RNF212: variants seen among roughly 807,000 people sequenced by gnomAD.
RNF212 encodes the protein ring finger protein 212, also known as probable E3 SUMO-protein ligase RNF212.
A neutral mutation model predicts 34.7 loss-of-function variants in RNF212; 33 were observed. The ratio of observed to expected loss-of-function variants is 0.95; its 90% CI spans 0.72 to 1.27. RNF212 has a LOEUF of 1.27. Among genes scored for constraint, RNF212 ranks in the 50% most tolerant of loss-of-function variants. RNF212 has a pLI of 0.00. For synonymous variants in RNF212, 140 were observed against 136.1 expected (o/e 1.03, Z -0.20); for missense variants, 377 against 362.2 (o/e 1.04, Z -0.33).
intron 3 of RNF212, among the ~76,000 whole-genome samples, chr4:1,091,595 A>G (rs555260045): frequency 6.6e-6 from 1 of 152,212 alleles, no homozygotes; most frequent in Non-Finnish European, 1.5e-5. Flanking sequence ...ATGATAACAC[A>G]AGCAGGAGGG....
intron 5 of RNF212, among the ~76,000 whole-genome samples, chr4:1,083,118 T>C (rs560399622): frequency 6.6e-5 from 10 of 152,154 alleles, no homozygotes; most frequent in South Asian, 4.2e-4. Context: ...GAGAGTGGGA[T>C]TGGCCTGTGC....
chr4:1,069,397 C>T (rs1210971602), downstream of RNF212, among the ~76,000 whole-genome samples: 1 of 152,024 alleles, frequency 6.6e-6, no homozygotes, highest in Admixed American at 6.6e-5. Flanking sequence ...GGGGTGAGGC[C>T]GGATGAGGCA....
chr4:1,089,089 G>C (rs1721785535), intron 4 of RNF212, among the ~76,000 whole-genome samples: 2 of 152,218 alleles, frequency 1.3e-5, no homozygotes, highest in Admixed American at 6.5e-5. Flanking sequence ...GAGGGCCACT[G>C]TCCTCCAGAC....
In RNF212 at chr4:1,094,373, G is replaced by A. The variant is rs1306697381; in HGVS notation, c.246+2392C>T. Among the ~76,000 whole-genome samples the A allele has an allele frequency of 2.0e-5, 3 of 152,322 alleles. No individual in the cohort carries two copies. The East Asian group carries it at 5.8e-4, about 29-fold the overall frequency. On this transcript the variant is annotated intron_variant, in intron 3 of 9. Transcript: ENST00000433731. Reference sequence around the variant, plus strand: ...AGTGCCACTCAGCATGTGGGGGTGGGCACAGAGGACAATGACCTGCGTCAG... The same window carrying A: ...AGTGCCACTCAGCATGTGGGGGTGGACACAGAGGACAATGACCTGCGTCAG...
At chr4:1,080,842 C>G (rs1720220301) in intron 7 of RNF212, among the ~76,000 whole-genome samples, 1 of 152,238 alleles carries the variant, frequency 6.6e-6, no homozygotes, top group Non-Finnish European at 1.5e-5. Flanking sequence ...ATCTGAAGAG[C>G]TAGGAGCTAC....
chr4:1,085,851 AG>A (rs1231905288), intron 5 of RNF212, 44 bp downstream of exon 5: 1 of 1,337,304 alleles, frequency 7.5e-7, no homozygotes, highest in Admixed American at 1.7e-5. Context: ...TGCACATGGC[AG>A]TGGGTGCCTC....
intron 2 of RNF212, among the ~76,000 whole-genome samples, chr4:1,099,329 G>A (rs1294851299): frequency 3.9e-5 from 6 of 152,168 alleles, no homozygotes; most frequent in Non-Finnish European, 8.8e-5. Context: ...AATAATAAAG[G>A]AATTCCCTGT....
Position 1,057,431 on chromosome 4 carries a change from G to A in RNF212, n.220+890C>T, listed in dbSNP as rs139283815. On this transcript the variant is annotated intron_variant and non_coding_transcript_variant, in intron 4 of 4. Transcript: ENST00000503206. ...GCTTAAATATGCAGCAGACGGAGTG[G>A]GAGGCCACCCAGAGGTCTGAGAAGA... 3.0e-3 allele frequency among the ~76,000 whole-genome samples: 453 copies of A among 152,274 alleles called. 3 individuals carry two copies. The highest frequency in any genetic ancestry group is 9.7e-3 in the African/African-American group (402 of 41,538).
At chr4:1,080,138 C>T (rs1216903292) in intron 7 of RNF212, among the ~76,000 whole-genome samples, 23 of 152,216 alleles carry the variant, frequency 1.5e-4, no homozygotes, top group Admixed American at 1.4e-3. Context: ...GCACTAGTTC[C>T]TTCATTTGCC....
At chr4:1,095,941 T>C (rs1723008852) in intron 3 of RNF212, among the ~76,000 whole-genome samples, 1 of 74,282 alleles carries the variant, frequency 1.3e-5, no homozygotes. Context: ...AGCTCCATGG[T>C]CTCGGGATAG....
At chr4:1,099,993 T>A (rs1577792582) in intron 2 of RNF212, 1 of 413,626 alleles carries the variant, frequency 2.4e-6, no homozygotes, top group East Asian at 7.1e-5. Context: ...AGGAACGGGG[T>A]TCTCTGACTA....
At chr4:1,084,344 A>G (rs1035605944) in intron 5 of RNF212, among the ~76,000 whole-genome samples, 3 of 152,204 alleles carry the variant, frequency 2.0e-5, no homozygotes, top group South Asian at 2.1e-4. Context: ...TAGTAAATGT[A>G]GGAGGCTTTG....
chr4:1,068,678 AGATT>A (rs1360926477), downstream of RNF212, among the ~76,000 whole-genome samples: 1 of 152,236 alleles, frequency 6.6e-6, no homozygotes, highest in Non-Finnish European at 1.5e-5. Flanking sequence ...TCCTTCTAAC[AGATT>A]GAAGTGACTG....
rs148945469 is a variant in RNF212 at position 1,113,528 on chromosome 4, G to A, written c.-64C>T. The A allele has an allele frequency of 0.026, 35,649 of 1,376,886 alleles. 520 individuals carry two copies. Among genetic ancestry groups the A allele is most frequent in the Middle Eastern group, 0.039 (190 of 4,860 alleles). The allele number at this position is 1,376,886 out of a possible 1,614,324, so 85.3% of individuals were successfully genotyped here. A position where few individuals can be genotyped will look rare whatever the true frequency, so the allele number is the denominator to read the frequency against. On this transcript the variant is annotated 5_prime_UTR_variant, in exon 1 of 10. Transcript: ENST00000433731. The stretch of plus-strand genomic sequence containing the variant: ...CGAAGCCCACGCAAGGTTGGGACCA[G>A]CCTCCCCGCGCAGGGCCCGAAGGCG...
At chr4:1,095,239 G>C (rs368612896) in intron 3 of RNF212, among the ~76,000 whole-genome samples, 28 of 83,696 alleles carry the variant, frequency 3.3e-4, no homozygotes, top group Admixed American at 4.3e-4. Flanking sequence ...ATGGTCTCGG[G>C]ATAGCGCACC....
intron 5 of RNF212, among the ~76,000 whole-genome samples, chr4:1,083,628 ACT>A (rs1263501881): frequency 7.0e-6 from 1 of 142,044 alleles, no homozygotes; most frequent in Non-Finnish European, 1.5e-5. Flanking sequence ...ACAGAGTGAG[ACT>A]CTGTCTCAAA....
chr4:1,110,178 G>T (rs184972815), intron 1 of RNF212, among the ~76,000 whole-genome samples: 88 of 152,314 alleles, frequency 5.8e-4, no homozygotes, highest in South Asian at 2.3e-3. Context: ...CAAAGGGATT[G>T]ATGCCTGATC....
intron 2 of RNF212, 134 bp from the exon 3 acceptor site, chr4:1,096,973 C>G: frequency 1.4e-6 from 1 of 716,500 alleles, no homozygotes; most frequent in Non-Finnish European, 2.5e-6. Flanking sequence ...AATGGCCTCT[C>G]AGGGGCCCTG....
chr4:1,087,586 T>C (rs961247661), intron 4 of RNF212, among the ~76,000 whole-genome samples: 12 of 113,856 alleles, frequency 1.1e-4, no homozygotes, highest in Non-Finnish European at 2.2e-4. Context: ...GAGCAGGGAG[T>C]GGGTAATAGG....
Sources: allele counts gnomAD v4.1 joint callset (sites outside exome capture counted in the v4.1 genomes callset), GRCh38; gene constraint gnomAD v4.1.1; transcripts MANE v1.5; gene names NCBI Gene and HGNC (gene_info 2026-07-23, HGNC 2026-07-21).